The following SLIT2 variants were observed in gnomAD, a reference collection of about 807,000 sequenced individuals.
The protein encoded by SLIT2 is slit guidance ligand 2.
In SLIT2, 41 loss-of-function variants were observed where a neutral mutation model predicts 185.7. The observed-to-expected ratio is 0.22, with a 90% CI of 0.17 to 0.29. The LOEUF is 0.29. Ranked by LOEUF, SLIT2 falls within the 10% of genes least tolerant of loss-of-function variation. The pLI is 1.00. For missense variants in SLIT2, 1,571 were observed against 1,909.0 expected (o/e 0.82, Z 3.30); for synonymous variants, 693 against 680.2 (o/e 1.02, Z -0.29).
intron 4 of SLIT2, among the ~76,000 whole-genome samples, chr4:20,359,627 A>G (rs1220456065): frequency 6.6e-6 from 1 of 152,052 alleles, no homozygotes; most frequent in African/African-American, 2.4e-5. Context: ...AACCAAGCAG[A>G]TAAAGACTAG....
At chr4:20,280,417 C>G (rs1455704977) in intron 4 of SLIT2, among the ~76,000 whole-genome samples, 1 of 151,602 alleles carries the variant, frequency 6.6e-6, no homozygotes, top group East Asian at 1.9e-4. Context: ...TGATCACTAG[C>G]TGCAGTTGCT....
intron 34 of SLIT2, among the ~76,000 whole-genome samples, chr4:20,613,370 T>A (rs1729392360): frequency 6.6e-6 from 1 of 152,160 alleles, no homozygotes; most frequent in African/African-American, 2.4e-5. Context: ...TGGATGGAGC[T>A]GGAGGCCATT....
At chr4:20,610,207 T>C in intron 34 of SLIT2, 40 bp downstream of exon 34, 1 of 1,576,950 alleles carries the variant, frequency 6.3e-7, no homozygotes, top group South Asian at 1.1e-5. Context: ...TGAAACCCTG[T>C]GATTCTCATT....
chr4:20,454,395 A>G (rs569553461), intron 4 of SLIT2, among the ~76,000 whole-genome samples: 3 of 152,356 alleles, frequency 2.0e-5, no homozygotes, highest in African/African-American at 7.2e-5. Flanking sequence ...GAGTTTCATT[A>G]AGTAAATATA....
chr4:20,464,925 A>G (rs961101571), intron 4 of SLIT2, among the ~76,000 whole-genome samples: 1 of 152,148 alleles, frequency 6.6e-6, no homozygotes, highest in Non-Finnish European at 1.5e-5. Context: ...AAGACAGGAA[A>G]TTGGCCTTAC....
intron 19 of SLIT2, among the ~76,000 whole-genome samples, chr4:20,540,180 C>T (rs1234864561): frequency 1.3e-5 from 2 of 151,492 alleles, no homozygotes; most frequent in Non-Finnish European, 2.9e-5. Context: ...CCCAGCTACT[C>T]GGGAGGGTGA....
At chr4:20,373,500 A>C (rs1723761179) in intron 4 of SLIT2, among the ~76,000 whole-genome samples, 1 of 151,956 alleles carries the variant, frequency 6.6e-6, no homozygotes, top group South Asian at 2.1e-4. Context: ...ATCCTACTAA[A>C]ATTTTATCTA....
chr4:20,450,631 G>T (rs1038274811), intron 4 of SLIT2, among the ~76,000 whole-genome samples: 11 of 152,110 alleles, frequency 7.2e-5, no homozygotes, highest in African/African-American at 2.4e-4. Flanking sequence ...ATCCAACTGG[G>T]TACACTATTT....
chr4:20,346,371 T>C (rs925413938), intron 4 of SLIT2, among the ~76,000 whole-genome samples: 3 of 152,120 alleles, frequency 2.0e-5, no homozygotes, highest in African/African-American at 4.8e-5. Flanking sequence ...CATCCCTCAA[T>C]TGTAACAATA....
chr4:20,360,196 A>C (rs1361398813), intron 4 of SLIT2, among the ~76,000 whole-genome samples: 1 of 152,186 alleles, frequency 6.6e-6, no homozygotes, highest in Admixed American at 6.6e-5. Flanking sequence ...TTAACCAAAA[A>C]GTTCAATAAA....
chr4:20,501,814 TTTAA>T (rs1182019288), intron 9 of SLIT2, among the ~76,000 whole-genome samples: 4 of 152,316 alleles, frequency 2.6e-5, no homozygotes, highest in South Asian at 2.1e-4. Flanking sequence ...TTGAGCAGCC[TTTAA>T]TTGTCATTGA....
intron 4 of SLIT2, among the ~76,000 whole-genome samples, chr4:20,278,476 A>AT (rs201212717): frequency 0.014 from 2,151 of 151,860 alleles, 26 homozygotes; most frequent in Middle Eastern, 0.02. Context: ...AACTTTCCTC[A>AT]TTTTTTTTAA....
At chr4:20,263,240 A>G (rs1471567091) in intron 3 of SLIT2, among the ~76,000 whole-genome samples, 1 of 151,770 alleles carries the variant, frequency 6.6e-6, no homozygotes, top group Non-Finnish European at 1.5e-5. Flanking sequence ...TTTTCAAACC[A>G]AGTGTTATCT....
intron 4 of SLIT2, among the ~76,000 whole-genome samples, chr4:20,280,039 A>C (rs1049036111): frequency 1.3e-5 from 2 of 152,168 alleles, no homozygotes; most frequent in Non-Finnish European, 2.9e-5. Flanking sequence ...ATCAGAAGCC[A>C]AAAGGCTTTT....
intron 4 of SLIT2, among the ~76,000 whole-genome samples, chr4:20,345,313 T>G (rs920567300): frequency 3.9e-5 from 6 of 152,064 alleles, no homozygotes; most frequent in African/African-American, 1.4e-4. Context: ...CACATCTCCT[T>G]GAAAACCTGT....
intron 9 of SLIT2, among the ~76,000 whole-genome samples, chr4:20,499,912 T>G (rs1400683014): frequency 1.3e-5 from 2 of 152,214 alleles, no homozygotes; most frequent in African/African-American, 4.8e-5. Flanking sequence ...TTTGATTGAT[T>G]AGCATGTATT....
chr4:20,361,813 A>G (rs1722764785), intron 4 of SLIT2, among the ~76,000 whole-genome samples: 1 of 152,124 alleles, frequency 6.6e-6, no homozygotes, highest in Non-Finnish European at 1.5e-5. Context: ...TCTTCCAAAG[A>G]AAAAACTCAG....
chr4:20,325,950 G>T lies in SLIT2; in HGVS notation c.395+57069G>T, dbSNP rs188722330. Among the ~76,000 whole-genome samples, 3 of 152,116 alleles carry T rather than the reference G, an allele frequency of 2.0e-5. No individual in the cohort carries two copies. In the East Asian group the frequency reaches 5.8e-4, roughly 29 times the overall value. ...TATACTTTATTTAGCCCTTTCTCTG[G>T]CAGCCAAAAATTTAGTGCTTGGTTT... On this transcript the variant is annotated intron_variant, in intron 4 of 36. Coordinates refer to ENST00000504154, the MANE Select transcript of SLIT2 (RefSeq NM_004787.4).
At chr4:20,470,256 T>A (rs1236473219) in intron 5 of SLIT2, among the ~76,000 whole-genome samples, 1 of 152,062 alleles carries the variant, frequency 6.6e-6, no homozygotes, top group African/African-American at 2.4e-5. Context: ...TAACATGAAA[T>A]GATTAGCAAT....
Sources: gnomAD v4.1 joint callset for allele counts (sites outside exome capture counted in the v4.1 genomes callset) on GRCh38, gnomAD v4.1.1 for gene constraint, MANE v1.5 for transcripts, NCBI Gene and HGNC (gene_info 2026-07-23, HGNC 2026-07-21) for gene names.